The following RDX variants were observed in gnomAD, a reference collection of about 807,000 sequenced individuals.
The protein encoded by RDX is radixin.
In RDX, 32 loss-of-function variants were observed where a neutral mutation model predicts 83.7. The observed-to-expected ratio is 0.38, with a 90% CI of 0.29 to 0.51. The LOEUF (loss-of-function observed/expected upper bound fraction) is 0.51. Among genes scored for constraint, RDX ranks in the 20% least tolerant of loss-of-function variants. The pLI is 0.87. For synonymous variants in RDX, 229 were observed against 222.7 expected (o/e 1.03, Z -0.25); for missense variants, 600 against 689.9 (o/e 0.87, Z 1.46).
chr11:110,240,013 CATAGTATCCAGCAATATCCAGCA>C (rs1421298102), intron 10 of RDX, among the ~76,000 whole-genome samples: 15 of 152,144 alleles, frequency 9.9e-5, no homozygotes, highest in African/African-American at 2.4e-4. Flanking sequence ...ATATCCAAAA[CATAGTATCCAGCAATATCCAGCA>C]ATAGTATCCA....
intron 15 of RDX, among the ~76,000 whole-genome samples, chr11:110,198,150 T>C (rs1863267691): frequency 6.6e-6 from 1 of 152,132 alleles, no homozygotes; most frequent in East Asian, 1.9e-4. Flanking sequence ...CTCAAATATA[T>C]TGACCTTTAG....
At chr11:110,268,214 G>A (rs565064816) in intron 3 of RDX, among the ~76,000 whole-genome samples, 15 of 151,708 alleles carry the variant, frequency 9.9e-5, no homozygotes, top group African/African-American at 2.9e-4. Flanking sequence ...AGGTTGAGGC[G>A]GAGAACTGCT....
At chr11:110,283,048 G>A (rs755172290) in intron 1 of RDX, among the ~76,000 whole-genome samples, 19 of 152,058 alleles carry the variant, frequency 1.2e-4, no homozygotes, top group Non-Finnish European at 1.6e-4. Context: ...ACAAAGGAAT[G>A]AATGAAAAGA....
chr11:110,252,941 A>T (rs923828033), intron 9 of RDX, among the ~76,000 whole-genome samples: 1 of 152,206 alleles, frequency 6.6e-6, no homozygotes, highest in African/African-American at 2.4e-5. Context: ...TCACCAACTC[A>T]GTATCTTTAA....
At chr11:110,191,701 CA>C (rs1863106408) in intron 15 of RDX, among the ~76,000 whole-genome samples, 1 of 152,082 alleles carries the variant, frequency 6.6e-6, no homozygotes, top group African/African-American at 2.4e-5. Context: ...ACCAAAATTA[CA>C]AAAATTAGCC....
intron 15 of RDX, among the ~76,000 whole-genome samples, chr11:110,178,375 C>T (rs1339447031): frequency 6.6e-6 from 1 of 152,174 alleles, no homozygotes; most frequent in African/African-American, 2.4e-5. Flanking sequence ...TTTGACTGAT[C>T]GATCCAGTTG....
At chr11:110,218,582 C>T (rs76233882) in intron 14 of RDX, among the ~76,000 whole-genome samples, 215 of 152,316 alleles carry the variant, frequency 1.4e-3, no homozygotes, top group African/African-American at 5.0e-3. Flanking sequence ...GTCACAGGCA[C>T]ACCCAAACCT....
chr11:110,227,924 T>C (rs553236083), downstream of RDX, among the ~76,000 whole-genome samples: 6 of 152,088 alleles, frequency 3.9e-5, 1 homozygote, highest in South Asian at 1.2e-3. Context: ...TAACCCCAAA[T>C]CAGAAAACTC....
intron 1 of RDX, among the ~76,000 whole-genome samples, chr11:110,282,792 A>G (rs1860815967): frequency 6.6e-6 from 1 of 152,196 alleles, no homozygotes; most frequent in Admixed American, 6.5e-5. Flanking sequence ...CAGCCTGGGT[A>G]ACACAGACAG....
Position 110,255,318 on chromosome 11 carries a change from C to A in RDX, c.766G>T (p.Val256Phe). Residue 256 changes from valine (V) to phenylalanine (F), a missense_variant, in exon 8 of 14, where the codon GTT becomes TTT. By Grantham distance (50) the Val-to-Phe change is conservative. Coordinates refer to ENST00000645495, the MANE Select transcript of RDX (RefSeq NM_002906.4). ...RNISFNDKKF[V>F]IKPIDKKAPD... ...GCCTTTTTGTCGATTGGCTTTATAA[C>A]AAATTTTTTGTCATTAAATGAAATA... The A allele has an allele frequency of 2.5e-6, 4 of 1,588,786 alleles. No homozygotes were observed. Among genetic ancestry groups the A allele is most frequent in the Non-Finnish European group, 3.5e-6 (4 of 1,157,666 alleles).
intron 15 of RDX, among the ~76,000 whole-genome samples, chr11:110,194,537 G>A (rs189465788): frequency 1.1e-4 from 16 of 152,212 alleles, no homozygotes; most frequent in Non-Finnish European, 2.1e-4. Context: ...ACAACTTTTC[G>A]TTTCTTGCAT....
chr11:110,237,134 CTATAACA>C (rs1864886557), intron 11 of RDX, among the ~76,000 whole-genome samples: 1 of 149,140 alleles, frequency 6.7e-6, no homozygotes. Context: ...TATTATATAA[CTATAACA>C]TATATCTATA....
At chr11:110,193,234 G>A (rs1248889617) in intron 15 of RDX, among the ~76,000 whole-genome samples, 1 of 152,178 alleles carries the variant, frequency 6.6e-6, no homozygotes, top group Non-Finnish European at 1.5e-5. Flanking sequence ...AATGCAGCTG[G>A]AGGCCATTAT....
chr11:110,199,865 C>T (rs926253260), intron 14 of RDX, among the ~76,000 whole-genome samples: 1 of 151,938 alleles, frequency 6.6e-6, no homozygotes. Flanking sequence ...TTTTCCAGTC[C>T]ACCTTTGAAA....
chr11:110,229,804 TAGTGC>T lies in RDX; in HGVS notation c.*2060_*2064del, dbSNP rs1864554737. ...CTGTATCAAACTGATGTAGCTATGGTAGTGCACATAATTCAAAATGAGGAAAATTA... is the reference window on the plus strand; with the variant it reads ...CTGTATCAAACTGATGTAGCTATGGTACATAATTCAAAATGAGGAAAATTA... On this transcript the variant is annotated 3_prime_UTR_variant, in exon 14 of 14. Coordinates refer to ENST00000645495, the MANE Select transcript of RDX (RefSeq NM_002906.4). 6.6e-6 allele frequency: 1 copy of T among 152,504 alleles called. No individual in the cohort carries two copies. Among genetic ancestry groups the T allele is most frequent in the African/African-American group, 2.4e-5 (1 of 41,442 alleles). The allele number at this position is 152,504 out of a possible 1,614,324, so 9.4% of individuals were successfully genotyped here.
intron 1 of RDX, 34 bp downstream of exon 1, chr11:110,296,432 CG>C (rs984314642): frequency 1.3e-5 from 2 of 151,534 alleles, no homozygotes; most frequent in African/African-American, 4.8e-5. Context: ...GAACCGGGAG[CG>C]GGGAGTGGGG....
intron 3 of RDX, among the ~76,000 whole-genome samples, chr11:110,268,922 T>C (rs185359038): frequency 1.3e-4 from 20 of 151,014 alleles, no homozygotes; most frequent in African/African-American, 4.8e-4. Flanking sequence ...GCTAATACAC[T>C]ATAAAGCATA....
At chr11:110,176,598 C>T (rs1862778595) in intron 15 of RDX, among the ~76,000 whole-genome samples, 1 of 152,230 alleles carries the variant, frequency 6.6e-6, no homozygotes, top group Non-Finnish European at 1.5e-5. Flanking sequence ...AAAGATCCTT[C>T]TCCATCTCTC....
chr11:110,294,817 C>T (rs2134462734), intron 1 of RDX, among the ~76,000 whole-genome samples: 1 of 152,194 alleles, frequency 6.6e-6, no homozygotes, highest in South Asian at 2.1e-4. Context: ...CCTACATACT[C>T]TTCCATGTGT....
Sources: allele counts gnomAD v4.1 joint callset (sites outside exome capture counted in the v4.1 genomes callset), GRCh38; gene constraint gnomAD v4.1.1; transcripts MANE v1.5; gene names NCBI Gene and HGNC (gene_info 2026-07-23, HGNC 2026-07-21).